The following LAMB4 variants were observed in gnomAD, a reference collection of about 807,000 sequenced individuals.
LAMB4 encodes the protein laminin subunit beta-4.
LAMB4 carries 196 observed loss-of-function variants against 199.2 expected under a neutral mutation model. The ratio of observed to expected loss-of-function variants is 0.98; its 90% CI spans 0.88 to 1.11. LAMB4 has a LOEUF of 1.11. LAMB4 is among the 50% of genes least tolerant of loss of function. LAMB4 has a pLI of 0.00. For missense variants in LAMB4, 2,080 were observed against 2,171.2 expected (o/e 0.96, Z 0.83); for synonymous variants, 744 against 770.6 (o/e 0.97, Z 0.57).
At chr7:108,083,725 T>G (rs964842977) in intron 14 of LAMB4, among the ~76,000 whole-genome samples, 1 of 152,236 alleles carries the variant, frequency 6.6e-6, no homozygotes, top group African/African-American at 2.4e-5. Flanking sequence ...TTTGATGCTG[T>G]GTCCCTAACA....
downstream of LAMB4, among the ~76,000 whole-genome samples, chr7:108,021,017 A>T (rs571978778): frequency 5.4e-4 from 83 of 152,366 alleles, no homozygotes; most frequent in African/African-American, 1.3e-3. Flanking sequence ...TAGAGAAAGC[A>T]GATCTTAAAT....
chr7:108,044,813 C>T (rs1355987808), intron 28 of LAMB4, among the ~76,000 whole-genome samples: 1 of 151,752 alleles, frequency 6.6e-6, no homozygotes, highest in African/African-American at 2.4e-5. Flanking sequence ...ATTAGCCAGG[C>T]ATGGTGGCGC....
At chr7:108,102,559 T>A (rs531084689) in intron 10 of LAMB4, among the ~76,000 whole-genome samples, 23 of 152,312 alleles carry the variant, frequency 1.5e-4, no homozygotes, top group African/African-American at 5.5e-4. Context: ...AAGCTGATGG[T>A]GGGGTATAAG....
chr7:108,030,764 C>G lies in LAMB4; in HGVS notation c.4992+42G>C, dbSNP rs372327117. The G allele has an allele frequency of 4.9e-5, 77 of 1,582,346 alleles. No individual in the cohort carries two copies. The African/African-American group carries it at 9.2e-4, about 19-fold the overall frequency. On this transcript the variant is annotated intron_variant, in intron 32 of 33. Transcript: ENST00000388781. ...GTTAAAGAACTATCTTTCAAAGAAGCCCTGCTTTTCTGCTCTTGGTGGCAG... is the reference window on the plus strand; with the variant it reads ...GTTAAAGAACTATCTTTCAAAGAAGGCCTGCTTTTCTGCTCTTGGTGGCAG...
chr7:108,064,189 C>T (rs2036259607), intron 21 of LAMB4, among the ~76,000 whole-genome samples: 1 of 152,108 alleles, frequency 6.6e-6, no homozygotes, highest in Admixed American at 6.5e-5. Flanking sequence ...AATGATTATT[C>T]GGCTCTCTAA....
intron 9 of LAMB4, among the ~76,000 whole-genome samples, chr7:108,103,436 T>A (rs2037887768): frequency 1.3e-5 from 2 of 152,250 alleles, no homozygotes; most frequent in African/African-American, 4.8e-5. Context: ...TCCTACGCTT[T>A]CTATAAAATG....
intron 33 of LAMB4, chr7:108,027,007 C>G (rs1214459404): frequency 2.2e-6 from 1 of 448,198 alleles, no homozygotes; most frequent in Non-Finnish European, 4.3e-6. Context: ...AATCTAATTT[C>G]AAGAACTATA....
At chr7:108,029,257 G>A in intron 32 of LAMB4, 61 bp from the exon 33 acceptor site, 5 of 1,425,230 alleles carry the variant, frequency 3.5e-6, no homozygotes, top group Non-Finnish European at 4.8e-6. Context: ...ATATATGCAT[G>A]ATGATTCTCC....
chr7:108,125,536 TA>T lies in LAMB4; in HGVS notation c.-33-2340del, dbSNP rs371792090. On this transcript the variant is annotated intron_variant, in intron 1 of 33. Coordinates refer to ENST00000388781, the MANE Select transcript of LAMB4 (RefSeq NM_007356.3). ...CTACGATTCATGGCTTGTAATGATC[TA>T]GGCTCTGAGTTGCTGGGGTAAAGTG... Among the ~76,000 whole-genome samples, 17 of 152,350 alleles carry T rather than the reference TA, an allele frequency of 1.1e-4. No individual in the cohort carries two copies. The South Asian group carries it at 3.5e-3, about 32-fold the overall frequency.
At chr7:108,084,379 C>A (rs1010975231) in intron 14 of LAMB4, among the ~76,000 whole-genome samples, 1 of 152,116 alleles carries the variant, frequency 6.6e-6, no homozygotes, top group Non-Finnish European at 1.5e-5. Flanking sequence ...GGAGCACCCC[C>A]AACCCCCTAA....
chr7:108,104,939 G>T (rs374170249), intron 8 of LAMB4, among the ~76,000 whole-genome samples: 1 of 152,010 alleles, frequency 6.6e-6, no homozygotes, highest in African/African-American at 2.4e-5. Context: ...GGGGAGTTGG[G>T]GGGGAGTAGT....
chr7:108,087,854 T>C (rs2037243450), intron 14 of LAMB4, among the ~76,000 whole-genome samples: 1 of 152,266 alleles, frequency 6.6e-6, no homozygotes, highest in Non-Finnish European at 1.5e-5. Context: ...ATTGATGTTT[T>C]TCCCCAGAGG....
rs2034751765 is a variant in LAMB4 at position 108,024,060 on chromosome 7, T to C, written c.5265A>G (p.Lys1755=). 1 of 1,565,236 alleles carries C rather than the reference T, an allele frequency of 6.4e-7. No homozygotes were observed. The highest frequency in any genetic ancestry group is 1.1e-5 in the South Asian group (1 of 87,392). Residue 1755 remains lysine (K), a synonymous_variant, in exon 34 of 34, where the codon AAA becomes AAG. Transcript: ENST00000388781. ...CTGCCTAGCTATAGCACCTAGCATA[T>C]TTTTTTTCTTGTTCAACAATTTCAT... ...IKNEIVEQEK[K]YARCYS is the part of the protein sequence containing the mutation.
At chr7:108,017,486 G>C in the LAMB4 span, among the ~76,000 whole-genome samples, 1 of 152,198 alleles carries the variant, frequency 6.6e-6, no homozygotes, top group African/African-American at 2.4e-5. Flanking sequence ...TCAATTTATG[G>C]AACTAATACT....
At position 108,062,883 on chromosome 7, in the gene LAMB4, C is replaced by T. The variant is rs753011492; in HGVS notation, c.3173G>A (p.Gly1058Asp). 2 of 1,608,470 alleles carry T rather than the reference C, an allele frequency of 1.2e-6. No homozygotes were observed. The highest frequency in any genetic ancestry group is 8.5e-7 in the Non-Finnish European group (1 of 1,177,904). Residue 1058 changes from glycine to aspartate, a missense_variant, in exon 23 of 34, where the codon GGC becomes GAC. Transcript: ENST00000388781. The part of the protein sequence containing the change: ...GACPCLPNVT[G>D]LACDRCADGY... ...ATCAGCACAACGGTCACAGGCCAGG[C>T]CTGTGACATTCGGCAGACAAGGACA...
At chr7:108,039,794 A>G (rs2035358124) in intron 29 of LAMB4, among the ~76,000 whole-genome samples, 1 of 152,182 alleles carries the variant, frequency 6.6e-6, no homozygotes, top group African/African-American at 2.4e-5. Context: ...TTAATTAAAA[A>G]AGTTCTAGTA....
chr7:108,013,619 A>G, the LAMB4 span, among the ~76,000 whole-genome samples: 1 of 152,168 alleles, frequency 6.6e-6, no homozygotes, highest in Non-Finnish European at 1.5e-5. Flanking sequence ...AATGAGGCTC[A>G]TGAGGACATT....
At chr7:108,092,270 C>A in intron 13 of LAMB4, 67 bp downstream of exon 13, 3 of 1,201,986 alleles carry the variant, frequency 2.5e-6, no homozygotes, top group Admixed American at 3.5e-5. Context: ...TGACTATGAG[C>A]GTATCAGAAT....
intron 13 of LAMB4, 64 bp downstream of exon 13, chr7:108,092,273 A>G: frequency 7.9e-7 from 1 of 1,270,478 alleles, no homozygotes; most frequent in South Asian, 1.2e-5. Flanking sequence ...CTATGAGCGT[A>G]TCAGAATAAA....
Sources: gnomAD v4.1 joint callset for allele counts (sites outside exome capture counted in the v4.1 genomes callset) on GRCh38, gnomAD v4.1.1 for gene constraint, MANE v1.5 for transcripts, NCBI Gene and HGNC (gene_info 2026-07-23, HGNC 2026-07-21) for gene names.